Variants in ECHDC1 observed in about 807,000 individuals in gnomAD.
ECHDC1 encodes the protein ethylmalonyl-CoA decarboxylase.
In ECHDC1, 29 loss-of-function variants were observed where a neutral mutation model predicts 29.7. That is an observed-to-expected ratio of 0.98 (90% CI 0.73 to 1.33). The LOEUF is 1.33. Ranked by LOEUF, ECHDC1 falls within the 40% of genes most tolerant of loss-of-function variation. The pLI is 0.00. For synonymous variants in ECHDC1, 126 were observed against 123.1 expected (o/e 1.02, Z -0.15); for missense variants, 328 against 350.0 (o/e 0.94, Z 0.50).
intron 2 of ECHDC1, chr6:127,329,923 C>G (rs942321096): frequency 2.2e-6 from 1 of 453,602 alleles, no homozygotes; most frequent in Non-Finnish European, 4.4e-6. Flanking sequence ...TTTAAAGACT[C>G]ACCACTGGTA....
rs1785032574 is a variant in ECHDC1, at chr6:127,342,424, C to A, written c.-3+912G>T. On this transcript the variant is annotated intron_variant, in intron 1 of 5. Transcript: ENST00000454859. ...TGGAATGTTAATCATTGCAGGAATC[C>A]CAGCTGATTATACAGTCGCCTTTCA... The A allele has an allele frequency of 2.6e-6, 4 of 1,530,214 alleles. No homozygotes were observed. In the South Asian group the frequency reaches 4.9e-5, roughly 19 times the overall value. 94.8% of individuals were successfully genotyped at this position (1,530,214 alleles called of 1,614,324 possible). A position where few individuals can be genotyped will look rare whatever the true frequency, so the allele number is the denominator to read the frequency against.
chr6:127,321,188 A>G (rs1020345051), intron 3 of ECHDC1, among the ~76,000 whole-genome samples: 8 of 152,358 alleles, frequency 5.3e-5, no homozygotes, highest in Admixed American at 4.6e-4. Context: ...TTATCTCATC[A>G]TCCTCAGAAA....
At chr6:127,336,221 A>G (rs1784413343) in intron 1 of ECHDC1, among the ~76,000 whole-genome samples, 1 of 152,164 alleles carries the variant, frequency 6.6e-6, no homozygotes, top group Non-Finnish European at 1.5e-5. Context: ...TACCAGTACT[A>G]CATAAAATTA....
intron 5 of ECHDC1, among the ~76,000 whole-genome samples, chr6:127,314,418 T>C (rs1268288835): frequency 6.6e-6 from 1 of 152,128 alleles, no homozygotes; most frequent in Non-Finnish European, 1.5e-5. Context: ...AAAATCTCTT[T>C]TTATTGGTGA....
At chr6:127,342,603 T>C (rs1439950881) in intron 1 of ECHDC1, 5 of 488,514 alleles carry the variant, frequency 1.0e-5, no homozygotes, top group East Asian at 3.1e-5. Context: ...TTTGTTTTCC[T>C]TGCCCTTGTC....
At chr6:127,328,755 A>ACG (rs1783603994) in intron 2 of ECHDC1, among the ~76,000 whole-genome samples, 1 of 152,190 alleles carries the variant, frequency 6.6e-6, no homozygotes, top group Non-Finnish European at 1.5e-5. Flanking sequence ...GGCCGGGTGC[A>ACG]GTGGCTCACG....
intron 5 of ECHDC1, among the ~76,000 whole-genome samples, chr6:127,305,213 T>A (rs1781349967): frequency 6.6e-6 from 1 of 152,106 alleles, no homozygotes; most frequent in South Asian, 2.1e-4. Flanking sequence ...TAAGCTCCAA[T>A]ATGTCTGGGA....
chr6:127,308,189 A>G (rs1251410883), intron 5 of ECHDC1, among the ~76,000 whole-genome samples: 2 of 152,190 alleles, frequency 1.3e-5, no homozygotes. Context: ...ATAAAGACAC[A>G]TCAAAAAAAG....
At chr6:127,321,572 T>G (rs1249377067) in intron 3 of ECHDC1, among the ~76,000 whole-genome samples, 3 of 152,250 alleles carry the variant, frequency 2.0e-5, no homozygotes, top group African/African-American at 7.2e-5. Context: ...ATACTTTATA[T>G]GTATTGTTAC....
intron 5 of ECHDC1, among the ~76,000 whole-genome samples, chr6:127,311,669 C>CAAAAAAAAAA (rs71272311): frequency 5.6e-4 from 14 of 25,034 alleles, no homozygotes; most frequent in South Asian, 2.6e-3. Flanking sequence ...GGCTCTGTCT[C>CAAAAAAAAAA]AAAAAAAAAA....
At chr6:127,295,491 C>T (rs991807178) in intron 5 of ECHDC1, among the ~76,000 whole-genome samples, 6 of 152,040 alleles carry the variant, frequency 3.9e-5, no homozygotes, top group Non-Finnish European at 8.8e-5. Context: ...AAAGAAAATG[C>T]AGAGAATTCA....
At chr6:127,304,769 C>T (rs1027706027) in intron 5 of ECHDC1, among the ~76,000 whole-genome samples, 1 of 152,090 alleles carries the variant, frequency 6.6e-6, no homozygotes, top group Non-Finnish European at 1.5e-5. Flanking sequence ...TTGAAGAATG[C>T]ATCAGAACTT....
chr6:127,290,417 G>T, intron 5 of ECHDC1, 140 bp from the exon 6 acceptor site: 1 of 829,090 alleles, frequency 1.2e-6, no homozygotes, highest in Non-Finnish European at 1.8e-6. Context: ...TGAAAAATAT[G>T]GCTGTTTCAT....
intron 2 of ECHDC1, chr6:127,329,744 G>T (rs962110163): frequency 3.2e-6 from 1 of 314,538 alleles, no homozygotes; most frequent in Non-Finnish European, 6.3e-6. Flanking sequence ...TAAGTGAATT[G>T]TTAAACTTAA....
At chr6:127,291,347 T>C (rs1201209933) in intron 5 of ECHDC1, among the ~76,000 whole-genome samples, 1 of 150,116 alleles carries the variant, frequency 6.7e-6, no homozygotes, top group Non-Finnish European at 1.5e-5. Context: ...CCCAGGCAGG[T>C]TGGCTTCAGT....
At chr6:127,316,989 C>T (rs1782439291) in intron 3 of ECHDC1, among the ~76,000 whole-genome samples, 1 of 151,836 alleles carries the variant, frequency 6.6e-6, no homozygotes, top group Non-Finnish European at 1.5e-5. Context: ...ATTGCCTTGT[C>T]TTTTTTTTAG....
chr6:127,312,430 G>A (rs1306169067), intron 5 of ECHDC1, among the ~76,000 whole-genome samples: 1 of 152,172 alleles, frequency 6.6e-6, no homozygotes, highest in Non-Finnish European at 1.5e-5. Context: ...AGTACCACAT[G>A]TTGGTATTCA....
intron 3 of ECHDC1, among the ~76,000 whole-genome samples, chr6:127,317,336 C>CT (rs370273905): frequency 0.026 from 3,988 of 151,660 alleles, 78 homozygotes; most frequent in Middle Eastern, 0.051. Flanking sequence ...TTTATAATTT[C>CT]TTTTTTTTGG....
At chr6:127,324,796 C>G (rs1309107271) in intron 3 of ECHDC1, among the ~76,000 whole-genome samples, 1 of 152,114 alleles carries the variant, frequency 6.6e-6, no homozygotes, top group East Asian at 1.9e-4. Context: ...ATTTGAGCAA[C>G]AAAATGAATA....
Sources: gnomAD v4.1 joint callset for allele counts (sites outside exome capture counted in the v4.1 genomes callset) on GRCh38, gnomAD v4.1.1 for gene constraint, MANE v1.5 for transcripts, NCBI Gene and HGNC (gene_info 2026-07-23, HGNC 2026-07-21) for gene names.